The following ZCCHC2 variants were observed in gnomAD, a reference collection of about 807,000 sequenced individuals.
ZCCHC2 encodes the protein zinc finger CCHC-type containing 2, also known as zinc finger CCHC domain-containing protein 2.
A neutral mutation model predicts 103.6 loss-of-function variants in ZCCHC2; 39 were observed. That is an observed-to-expected ratio of 0.38 (90% CI 0.29 to 0.49). The LOEUF is 0.49. Ranked by LOEUF, ZCCHC2 falls within the 20% of genes least tolerant of loss-of-function variation. The probability of loss-of-function intolerance (pLI) is 0.96; values close to 1 mark genes in which losing one functional copy is unlikely to be tolerated. For synonymous variants in ZCCHC2, 687 were observed against 608.9 expected, an observed-to-expected ratio of 1.13 and a Z score of -1.89; for missense variants, 1,483 against 1,491.0, an observed-to-expected ratio of 0.99 and a Z score of 0.09.
At chr18:62,568,289 A>AT (rs1348070809) in intron 11 of ZCCHC2, among the ~76,000 whole-genome samples, 7 of 152,112 alleles carry the variant, frequency 4.6e-5, no homozygotes, top group African/African-American at 1.7e-4. Flanking sequence ...GACATGACAA[A>AT]TTCAGTTTGT....
chr18:62,538,130 TC>T (rs1485566565), intron 1 of ZCCHC2, among the ~76,000 whole-genome samples: 1 of 152,148 alleles, frequency 6.6e-6, no homozygotes, highest in African/African-American at 2.4e-5. Flanking sequence ...GTACAATGAC[TC>T]ACACCTGTAA....
rs1184624548 is a variant in ZCCHC2, at chr18:62,578,456, G to A, written c.*1877G>A. The A allele has an allele frequency of 6.6e-6, 1 of 152,466 alleles. No individual in the cohort carries two copies. Among genetic ancestry groups the A allele is most frequent in the Non-Finnish European group, 1.5e-5 (1 of 68,012 alleles). The allele number at this position is 152,466 out of a possible 1,614,324, so 9.4% of individuals were successfully genotyped here. On this transcript the variant is annotated 3_prime_UTR_variant, in exon 14 of 14. Coordinates refer to ENST00000269499, the MANE Select transcript of ZCCHC2 (RefSeq NM_017742.6). ...TATGTTACCTTCTCCTTATTTGTAT[G>A]TTTACCATATACTTTGATATTTGAA... is the stretch of plus-strand genomic sequence containing the variant.
intron 1 of ZCCHC2, chr18:62,527,094 A>G (rs996687342): frequency 1.4e-5 from 2 of 138,630 alleles, no homozygotes; most frequent in Non-Finnish European, 3.0e-5. Flanking sequence ...CTTAACTACT[A>G]AGTGAAGCTC....
downstream of ZCCHC2, among the ~76,000 whole-genome samples, chr18:62,582,759 A>G (rs1275886095): frequency 6.6e-6 from 1 of 152,020 alleles, no homozygotes; most frequent in Non-Finnish European, 1.5e-5. Flanking sequence ...AAGCCACTCA[A>G]ATTCTAGTTG....
intron 5 of ZCCHC2, among the ~76,000 whole-genome samples, 154 bp downstream of exon 5, chr18:62,550,614 C>T (rs995096363): frequency 3.1e-4 from 47 of 152,178 alleles, no homozygotes; most frequent in African/African-American, 9.7e-4. Context: ...GGTCTAGGCT[C>T]ATAGTAAAAG....
chr18:62,523,214 C>A lies in ZCCHC2; in HGVS notation c.-211C>A. 4.4e-6 allele frequency: 1 copy of A among 225,068 alleles called. No individual in the cohort carries two copies. The highest frequency in any genetic ancestry group is 7.4e-6 in the Non-Finnish European group (1 of 134,762). The allele number at this position is 225,068 out of a possible 1,614,324, so 13.9% of individuals were successfully genotyped here. A position where few individuals can be genotyped will look rare whatever the true frequency, so the allele number is the denominator to read the frequency against. Reference sequence around the variant, plus strand: ...GGGGGAGGAGCCGTCGCGGGCACGCCCCGCCCCCAGCCCGGGAAGACGACG... The same window carrying A: ...GGGGGAGGAGCCGTCGCGGGCACGCACCGCCCCCAGCCCGGGAAGACGACG... On this transcript the variant is annotated 5_prime_UTR_variant, in exon 1 of 14. Coordinates refer to ENST00000269499, the MANE Select transcript of ZCCHC2 (RefSeq NM_017742.6).
intron 8 of ZCCHC2, among the ~76,000 whole-genome samples, chr18:62,561,743 T>A (rs1916126746): frequency 6.6e-6 from 1 of 152,252 alleles, no homozygotes; most frequent in African/African-American, 2.4e-5. Context: ...TCAATCGGTC[T>A]TACTGCTGCT....
intron 6 of ZCCHC2, among the ~76,000 whole-genome samples, chr18:62,557,658 C>T (rs985420674): frequency 1.3e-5 from 2 of 152,176 alleles, no homozygotes; most frequent in African/African-American, 2.4e-5. Flanking sequence ...TTTCCCCCTG[C>T]GCCAAATGTG....
chr18:62,571,695 C>T (rs1428225082), intron 12 of ZCCHC2, among the ~76,000 whole-genome samples: 1 of 152,168 alleles, frequency 6.6e-6, no homozygotes, highest in Non-Finnish European at 1.5e-5. Flanking sequence ...ACAAGGTGTA[C>T]CCATGCTGGT....
Position 62,565,171 on chromosome 18 carries a change from A to G in ZCCHC2, c.1846+75A>G, listed in dbSNP as rs1478103159. 7 of 1,183,464 alleles carry G rather than the reference A, an allele frequency of 5.9e-6. No individual in the cohort carries two copies. In the Middle Eastern group the frequency reaches 5.8e-4, roughly 98 times the overall value. The allele number at this position is 1,183,464 out of a possible 1,614,324, so 73.3% of individuals were successfully genotyped here. On this transcript the variant is annotated intron_variant, in intron 11 of 13. Coordinates refer to ENST00000269499, the MANE Select transcript of ZCCHC2 (RefSeq NM_017742.6). ...CATGATACTTACTGTATTAATAGAT[A>G]CTGAGCTGTTGTGTCAAATCCTAAT...
rs1425325484 is a variant in ZCCHC2 at position 62,546,397 on chromosome 18, T to C, written c.1200+1524T>C. 3.3e-5 allele frequency among the ~76,000 whole-genome samples: 5 copies of C among 152,218 alleles called. No homozygotes were observed. In the East Asian group the frequency reaches 9.6e-4, roughly 29 times the overall value. On this transcript the variant is annotated intron_variant, in intron 4 of 13. Coordinates refer to ENST00000269499, the MANE Select transcript of ZCCHC2 (RefSeq NM_017742.6). ...ACCGCCACACACTTTTACAAGCCCT[T>C]CTAATTATTTCTTTCTTTTCTCTCA...
chr18:62,544,755 C>T, intron 3 of ZCCHC2, 47 bp from the exon 4 acceptor site: 1 of 1,476,200 alleles, frequency 6.8e-7, no homozygotes, highest in Non-Finnish European at 9.1e-7. Context: ...CTAGCCGGTT[C>T]CTGCCTAGGG....
At position 62,557,827 on chromosome 18, in the gene ZCCHC2, G is replaced by A. The variant is rs553237559; in HGVS notation, c.1409-860G>A. On this transcript the variant is annotated intron_variant, in intron 6 of 13. Coordinates refer to ENST00000269499, the MANE Select transcript of ZCCHC2 (RefSeq NM_017742.6). Reference sequence around the variant, plus strand: ...GTAATAAACTCATCTTGAGGGTGTGGCAGTATTTAAATTACATGAGCAGTG... The same window carrying A: ...GTAATAAACTCATCTTGAGGGTGTGACAGTATTTAAATTACATGAGCAGTG... 1.7e-4 allele frequency among the ~76,000 whole-genome samples: 26 copies of A among 152,286 alleles called. No individual in the cohort carries two copies. The East Asian group carries it at 5.0e-3, about 29-fold the overall frequency.
At chr18:62,535,205 C>T (rs1914868912) in intron 1 of ZCCHC2, among the ~76,000 whole-genome samples, 1 of 152,234 alleles carries the variant, frequency 6.6e-6, no homozygotes, top group African/African-American at 2.4e-5. Flanking sequence ...CTCATGCATG[C>T]ATTCTTTTCA....
At chr18:62,562,948 A>G in intron 8 of ZCCHC2, 61 bp from the exon 9 acceptor site, 1 of 1,541,306 alleles carries the variant, frequency 6.5e-7, no homozygotes, top group Non-Finnish European at 8.9e-7. Context: ...TTCTTTGTTG[A>G]AATGAAATAG....
In ZCCHC2 at chr18:62,576,911, A is replaced by T; in HGVS notation, c.*332A>T. Reference sequence around the variant, plus strand: ...GTTTACTGAATCTTTAAAACTGTGTATTTGACCTTTTTTTTACAACACTGG... The same window carrying T: ...GTTTACTGAATCTTTAAAACTGTGTTTTTGACCTTTTTTTTACAACACTGG... On this transcript the variant is annotated 3_prime_UTR_variant, in exon 14 of 14. Coordinates refer to ENST00000269499, the MANE Select transcript of ZCCHC2 (RefSeq NM_017742.6). 1 of 171,852 alleles carries T rather than the reference A, an allele frequency of 5.8e-6. No homozygotes were observed. The highest frequency in any genetic ancestry group is 6.4e-5 in the Admixed American group (1 of 15,666). 10.6% of individuals were successfully genotyped at this position (171,852 alleles called of 1,614,324 possible).
At chr18:62,557,672 T>C (rs993779182) in intron 6 of ZCCHC2, among the ~76,000 whole-genome samples, 11 of 152,230 alleles carry the variant, frequency 7.2e-5, no homozygotes, top group Non-Finnish European at 1.0e-4. Flanking sequence ...AAATGTGTTT[T>C]TTATTGAACA....
At chr18:62,527,097 T>A (rs1270262156) in intron 1 of ZCCHC2, 1 of 146,338 alleles carries the variant, frequency 6.8e-6, no homozygotes, top group Non-Finnish European at 1.5e-5. Flanking sequence ...AACTACTAAG[T>A]GAAGCTCTTT....
At chr18:62,576,235 G>A (rs994280783) in intron 13 of ZCCHC2, among the ~76,000 whole-genome samples, 3 of 152,076 alleles carry the variant, frequency 2.0e-5, no homozygotes, top group African/African-American at 2.4e-5. Context: ...GACCTTTGTC[G>A]TTTTGCCAAA....
Sources: allele counts gnomAD v4.1 joint callset (sites outside exome capture counted in the v4.1 genomes callset), GRCh38; gene constraint gnomAD v4.1.1; transcripts MANE v1.5; gene names NCBI Gene and HGNC (gene_info 2026-07-23, HGNC 2026-07-21).